The following SYNPO2 variants were observed in gnomAD, a reference collection of about 807,000 sequenced individuals.
SYNPO2 encodes synaptopodin-2.
In SYNPO2, 56 loss-of-function variants were observed where a neutral mutation model predicts 85.0. The ratio of observed to expected loss-of-function variants is 0.66; its 90% CI spans 0.53 to 0.82. The LOEUF (loss-of-function observed/expected upper bound fraction) is 0.82, where lower values mean the gene tolerates loss of function less well. Ranked by LOEUF, SYNPO2 falls within the 40% of genes least tolerant of loss-of-function variation. The pLI, the probability that SYNPO2 is intolerant of heterozygous loss-of-function variation, is 0.00. For missense variants in SYNPO2, 1,575 were observed against 1,534.2 expected (o/e 1.03, Z -0.44); for synonymous variants, 602 against 591.1 (o/e 1.02, Z -0.27).
chr4:119,050,782 CAAAG>C (rs1397188731), intron 4 of SYNPO2, among the ~76,000 whole-genome samples: 1 of 152,090 alleles, frequency 6.6e-6, no homozygotes, highest in African/African-American at 2.4e-5. Flanking sequence ...GTTGAATAAT[CAAAG>C]AACAGAATAC....
At position 118,888,897 on chromosome 4, in the gene SYNPO2, G is replaced by A. The variant is rs559011655; in HGVS notation, c.-140G>A. ...CGGCTGGGGCGGCGGCTGGGGCAGC[G>A]GCTGCAGCAGCGGCGGACGCTCTGC... On this transcript the variant is annotated 5_prime_UTR_variant, in exon 1 of 5. Coordinates refer to ENST00000307142, the MANE Select transcript of SYNPO2 (RefSeq NM_133477.3). 141 of 832,890 alleles carry A rather than the reference G, an allele frequency of 1.7e-4. 2 individuals are homozygous for A. In the South Asian group the frequency reaches 1.9e-3, roughly 11 times the overall value. The allele number at this position is 832,890 out of a possible 1,614,324, so 51.6% of individuals were successfully genotyped here.
In SYNPO2 at chr4:119,030,833, G is replaced by A; in HGVS notation, c.2058G>A (p.Glu686=). 9 of 1,614,118 alleles carry A rather than the reference G, an allele frequency of 5.6e-6. No homozygotes were observed. Among genetic ancestry groups the A allele is most frequent in the East Asian group, 2.2e-5 (1 of 44,872 alleles). The change falls in exon 4 of 5, where the codon GAG becomes GAA. Residue 686 remains glutamate (E), a synonymous_variant. Coordinates refer to ENST00000307142, the MANE Select transcript of SYNPO2 (RefSeq NM_133477.3). The part of the protein sequence containing the change: ...VPAKRTGILQ[E]AKRRSTTKPM... ...CAAAAAGAACAGGAATATTGCAGGA[G>A]GCCAAAAGGAGAAGCACGACAAAAC...
intron 1 of SYNPO2, among the ~76,000 whole-genome samples, chr4:118,940,048 C>T (rs1734250500): frequency 7.0e-6 from 1 of 143,544 alleles, no homozygotes; most frequent in Admixed American, 7.4e-5. Context: ...TGCAGTGATG[C>T]AATCTTGGCT....
chr4:118,854,315 A>C (rs1161022928), intron 1 of SYNPO2, among the ~76,000 whole-genome samples: 1 of 152,226 alleles, frequency 6.6e-6, no homozygotes, highest in Non-Finnish European at 1.5e-5. Flanking sequence ...TTCAGAGCCC[A>C]AGTTTTCTTG....
chr4:118,920,530 T>A (rs1434385924), intron 1 of SYNPO2, among the ~76,000 whole-genome samples: 2 of 152,144 alleles, frequency 1.3e-5, no homozygotes, highest in Non-Finnish European at 2.9e-5. Context: ...ACTTGTTCTG[T>A]CTTGGACAGA....
chr4:119,060,864 T>G lies in SYNPO2; in HGVS notation c.*2930T>G, dbSNP rs1739389376. The G allele has an allele frequency of 6.6e-6, 1 of 152,314 alleles. No individual in the cohort carries two copies. Among genetic ancestry groups the G allele is most frequent in the East Asian group, 1.9e-4 (1 of 5,192 alleles). The allele number at this position is 152,314 out of a possible 1,614,324, so 9.4% of individuals were successfully genotyped here. A position where few individuals can be genotyped will look rare whatever the true frequency, so the allele number is the denominator to read the frequency against. The stretch of plus-strand genomic sequence containing the variant: ...AATTTGTCTTGTATTTTGAGTTTCT[T>G]AAATGCGTGGATTCTTGTTCATTTA... On this transcript the variant is annotated 3_prime_UTR_variant, in exon 5 of 5. Transcript: ENST00000307142.
chr4:119,004,168 A>G (rs1360914026), intron 1 of SYNPO2, among the ~76,000 whole-genome samples: 2 of 152,130 alleles, frequency 1.3e-5, no homozygotes, highest in Non-Finnish European at 2.9e-5. Context: ...GGCTTTCTCT[A>G]ACTTAGGGTT....
At chr4:118,936,793 A>C (rs1188263021) in intron 1 of SYNPO2, among the ~76,000 whole-genome samples, 2 of 152,104 alleles carry the variant, frequency 1.3e-5, no homozygotes, top group East Asian at 3.9e-4. Context: ...AAATACTTAC[A>C]CTGGTGTTAA....
intron 1 of SYNPO2, among the ~76,000 whole-genome samples, chr4:118,962,611 T>A (rs528323222): frequency 4.6e-5 from 7 of 152,334 alleles, no homozygotes; most frequent in Non-Finnish European, 8.8e-5. Flanking sequence ...CTATTTTTAA[T>A]AGCTCCAAAG....
intron 1 of SYNPO2, among the ~76,000 whole-genome samples, chr4:118,893,933 C>T (rs1299199631): frequency 1.3e-5 from 2 of 151,738 alleles, no homozygotes; most frequent in Non-Finnish European, 1.5e-5. Flanking sequence ...GATCATTCCA[C>T]AATGTATACA....
intron 4 of SYNPO2, among the ~76,000 whole-genome samples, chr4:119,044,928 C>A: frequency 6.6e-6 from 1 of 152,114 alleles, no homozygotes; most frequent in East Asian, 1.9e-4. Context: ...GCCATTAACT[C>A]GCTTTGAATT....
At chr4:118,958,376 G>A (rs1035634412) in intron 1 of SYNPO2, among the ~76,000 whole-genome samples, 3 of 152,038 alleles carry the variant, frequency 2.0e-5, no homozygotes, top group African/African-American at 4.8e-5. Flanking sequence ...TTCTTATTTC[G>A]TGTATGAAAT....
intron 1 of SYNPO2, among the ~76,000 whole-genome samples, chr4:118,940,809 T>C (rs1734284928): frequency 6.6e-6 from 1 of 152,034 alleles, no homozygotes; most frequent in South Asian, 2.1e-4. Flanking sequence ...TTCCAGACAA[T>C]GCTTTTCCTC....
chr4:118,915,946 A>G (rs1267851515), intron 1 of SYNPO2, among the ~76,000 whole-genome samples: 2 of 152,084 alleles, frequency 1.3e-5, no homozygotes, highest in Non-Finnish European at 2.9e-5. Context: ...TACCACGTAA[A>G]TTAAATATCT....
At chr4:119,004,238 A>C (rs1368264227) in intron 1 of SYNPO2, among the ~76,000 whole-genome samples, 1 of 152,122 alleles carries the variant, frequency 6.6e-6, no homozygotes, top group Non-Finnish European at 1.5e-5. Context: ...TTTTAAAAAA[A>C]AGTATACTTT....
intron 4 of SYNPO2, among the ~76,000 whole-genome samples, chr4:119,053,520 G>A (rs1304507656): frequency 1.3e-5 from 2 of 152,174 alleles, no homozygotes; most frequent in Non-Finnish European, 2.9e-5. Context: ...TTTGTCATAT[G>A]CATGTTTGGC....
chr4:119,023,663 T>G (rs1244540528), intron 2 of SYNPO2, 82 bp downstream of exon 2: 2 of 1,406,010 alleles, frequency 1.4e-6, no homozygotes, highest in Non-Finnish European at 1.9e-6. Flanking sequence ...ATATAACTTG[T>G]CATTTATGGA....
At chr4:118,894,553 C>T (rs1184841321) in intron 1 of SYNPO2, among the ~76,000 whole-genome samples, 10 of 63,558 alleles carry the variant, frequency 1.6e-4, no homozygotes, top group East Asian at 9.1e-4. Flanking sequence ...GGGGGAACGT[C>T]GGGGGAACGT....
chr4:118,860,281 T>C (rs1731585666), intron 1 of SYNPO2, among the ~76,000 whole-genome samples: 1 of 152,204 alleles, frequency 6.6e-6, no homozygotes, highest in African/African-American at 2.4e-5. Flanking sequence ...TCTCACTCTG[T>C]CGCCCAGGCT....
Sources: gnomAD v4.1 joint callset for allele counts (sites outside exome capture counted in the v4.1 genomes callset) on GRCh38, gnomAD v4.1.1 for gene constraint, MANE v1.5 for transcripts, NCBI Gene and HGNC (gene_info 2026-07-23, HGNC 2026-07-21) for gene names.